SLC16A12: variants seen among roughly 807,000 people sequenced by gnomAD.
The protein encoded by SLC16A12 is monocarboxylate transporter 12.
In SLC16A12, 17 loss-of-function variants were observed where a neutral mutation model predicts 42.4. The ratio of observed to expected loss-of-function variants is 0.40; its 90% CI spans 0.27 to 0.60. The LOEUF (loss-of-function observed/expected upper bound fraction) is 0.60, where lower values mean the gene tolerates loss of function less well. SLC16A12 is among the 20% of genes least tolerant of loss of function. The probability of loss-of-function intolerance (pLI) is 0.42; values close to 1 mark genes in which losing one functional copy is unlikely to be tolerated. For synonymous variants in SLC16A12, 224 were observed against 229.4 expected, an observed-to-expected ratio of 0.98 and a Z score of 0.21; for missense variants, 544 against 623.0, an observed-to-expected ratio of 0.87 and a Z score of 1.35.
At chr10:89,551,667 T>C (rs1277859156) in intron 2 of SLC16A12, among the ~76,000 whole-genome samples, 1 of 152,136 alleles carries the variant, frequency 6.6e-6, no homozygotes, top group East Asian at 1.9e-4. Context: ...AATGTTCTCA[T>C]AGTAGTGAAT....
chr10:89,509,592 A>C (rs1371895304), intron 2 of SLC16A12, among the ~76,000 whole-genome samples: 1 of 152,244 alleles, frequency 6.6e-6, no homozygotes, highest in East Asian at 1.9e-4. Flanking sequence ...AACATATCTC[A>C]AAATAATAAG....
intron 2 of SLC16A12, among the ~76,000 whole-genome samples, chr10:89,497,203 TTC>T (rs1364908307): frequency 1.3e-5 from 2 of 152,180 alleles, no homozygotes; most frequent in Admixed American, 1.3e-4. Flanking sequence ...ACTCTGTACT[TTC>T]TGTTTGTAAA....
At chr10:89,460,013 G>T (rs914178673) in intron 3 of SLC16A12, among the ~76,000 whole-genome samples, 4 of 152,186 alleles carry the variant, frequency 2.6e-5, no homozygotes, top group Admixed American at 1.3e-4. Context: ...TAAATAGAGG[G>T]TGAATAAATC....
intron 4 of SLC16A12, among the ~76,000 whole-genome samples, chr10:89,443,211 T>C (rs912869458): frequency 1.3e-5 from 2 of 152,164 alleles, no homozygotes; most frequent in South Asian, 2.1e-4. Flanking sequence ...TCCCCAATAC[T>C]TCTCTAAGCA....
At chr10:89,540,155 G>T (rs539709586), upstream of SLC16A12, among the ~76,000 whole-genome samples, 1 of 151,810 alleles carries the variant, frequency 6.6e-6, no homozygotes, top group Non-Finnish European at 1.5e-5. Context: ...TTGGAGTGCA[G>T]TGGCATCGTC....
At chr10:89,518,863 T>C (rs1843301999) in intron 2 of SLC16A12, among the ~76,000 whole-genome samples, 1 of 152,188 alleles carries the variant, frequency 6.6e-6, no homozygotes, top group South Asian at 2.1e-4. Flanking sequence ...TGCTTTTTCC[T>C]ATTATCATAT....
At chr10:89,521,240 T>C (rs1843349430) in intron 2 of SLC16A12, among the ~76,000 whole-genome samples, 1 of 152,162 alleles carries the variant, frequency 6.6e-6, no homozygotes, top group South Asian at 2.1e-4. Flanking sequence ...TTGTAACTGA[T>C]CCCAGTCCCA....
chr10:89,518,757 C>T (rs1191134397), intron 2 of SLC16A12, among the ~76,000 whole-genome samples: 1 of 152,072 alleles, frequency 6.6e-6, no homozygotes, highest in East Asian at 1.9e-4. Context: ...AGGCCCAGCC[C>T]CCAAAGAGCA....
intron 2 of SLC16A12, among the ~76,000 whole-genome samples, chr10:89,502,962 T>A (rs181778268): frequency 6.6e-6 from 1 of 152,284 alleles, no homozygotes; most frequent in African/African-American, 2.4e-5. Context: ...CTATCTACAA[T>A]CAAAACTGCA....
rs370756736 is a variant in SLC16A12, at chr10:89,436,868, A to AAAAGAAAGAAAGAAAGAAAGAAAG, written c.1029-573_1029-550dup. ...AAGAAAGAAAAGAAAGAAATAAAGA[A>AAAAGAAAGAAAGAAAGAAAGAAAG]AAAGAAAGAAAGAAAGAAAGAAAGA... is the stretch of plus-strand genomic sequence containing the variant. On this transcript the variant is annotated intron_variant, in intron 6 of 7. Coordinates refer to ENST00000371790, the MANE Select transcript of SLC16A12 (RefSeq NM_213606.4). 1.8e-3 allele frequency among the ~76,000 whole-genome samples: 221 copies of AAAAGAAAGAAAGAAAGAAAGAAAG among 120,506 alleles called. 1 individual carries two copies. Among genetic ancestry groups the AAAAGAAAGAAAGAAAGAAAGAAAG allele is most frequent in the Middle Eastern group, 3.9e-3 (1 of 258 alleles). 79.1% of individuals were successfully genotyped at this position (120,506 alleles called of 152,430 possible). A position where few individuals can be genotyped will look rare whatever the true frequency, so the allele number is the denominator to read the frequency against.
chr10:89,521,004 C>T (rs1301151900), intron 2 of SLC16A12, among the ~76,000 whole-genome samples: 1 of 152,168 alleles, frequency 6.6e-6, no homozygotes, highest in Non-Finnish European at 1.5e-5. Flanking sequence ...GAGTAAGTCA[C>T]ATTTGTATAG....
chr10:89,544,841 C>A (rs1052902188), intron 2 of SLC16A12, among the ~76,000 whole-genome samples: 1 of 152,128 alleles, frequency 6.6e-6, no homozygotes, highest in Non-Finnish European at 1.5e-5. Context: ...GTAAAAATAG[C>A]TGGGGTTTTC....
chr10:89,480,630 T>C (rs1475897089), intron 2 of SLC16A12, among the ~76,000 whole-genome samples: 1 of 152,150 alleles, frequency 6.6e-6, no homozygotes, highest in Non-Finnish European at 1.5e-5. Flanking sequence ...AGTTACTAGA[T>C]CAAATAGTAA....
At chr10:89,492,898 A>G (rs1054675290) in intron 2 of SLC16A12, among the ~76,000 whole-genome samples, 12 of 152,090 alleles carry the variant, frequency 7.9e-5, no homozygotes, top group African/African-American at 2.9e-4. Flanking sequence ...TCTTGAACCT[A>G]TCTCCTCCTG....
intron 2 of SLC16A12, among the ~76,000 whole-genome samples, chr10:89,485,084 A>C (rs1424265210): frequency 6.6e-6 from 1 of 152,214 alleles, no homozygotes; most frequent in Non-Finnish European, 1.5e-5. Flanking sequence ...AGCAGCCGAG[A>C]ACCAGGGGAA....
At chr10:89,528,356 T>C (rs569574613) in intron 2 of SLC16A12, among the ~76,000 whole-genome samples, 1 of 152,356 alleles carries the variant, frequency 6.6e-6, no homozygotes, top group African/African-American at 2.4e-5. Context: ...ATTATTGTTG[T>C]AGAGTAAAAG....
chr10:89,495,953 A>G (rs1220898405), intron 2 of SLC16A12, among the ~76,000 whole-genome samples: 2 of 152,250 alleles, frequency 1.3e-5, no homozygotes, highest in Admixed American at 6.5e-5. Flanking sequence ...AGAGCTGCTC[A>G]TTCTACATGC....
At chr10:89,437,297 T>G (rs1042780114) in intron 6 of SLC16A12, among the ~76,000 whole-genome samples, 1 of 152,250 alleles carries the variant, frequency 6.6e-6, no homozygotes, top group African/African-American at 2.4e-5. Flanking sequence ...AACCCATTTA[T>G]GATACCAATA....
chr10:89,436,219 C>A lies in SLC16A12; in HGVS notation c.1129G>T (p.Val377Leu), dbSNP rs142329889. 6.2e-6 allele frequency: 10 copies of A among 1,613,992 alleles called. No homozygotes were observed. Among genetic ancestry groups the A allele is most frequent in the Non-Finnish European group, 8.5e-6 (10 of 1,179,974 alleles). Residue 377 changes from valine (V) to leucine (L), a missense_variant, in exon 7 of 8, where the codon GTG (valine) becomes TTG (leucine). Physicochemically the swap from Val to Leu is conservative, Grantham distance 32. Transcript: ENST00000371790. ...TAGCCAAAGGTACAAGAGAAAGGCA[C>A]GAGCAGAGGGAGACTTTGAAGCATT... ...LPMLQSLPLLVPFSCTFGYFD... is the reference protein window; with the variant it reads ...LPMLQSLPLLLPFSCTFGYFD...
Sources: gnomAD v4.1 joint callset for allele counts (sites outside exome capture counted in the v4.1 genomes callset) on GRCh38, gnomAD v4.1.1 for gene constraint, MANE v1.5 for transcripts, NCBI Gene and HGNC (gene_info 2026-07-23, HGNC 2026-07-21) for gene names.